Variants in AKAP6 observed in about 807,000 individuals in gnomAD.
AKAP6 encodes the protein A-kinase anchoring protein 6.
AKAP6 carries 58 observed loss-of-function variants against 188.5 expected under a neutral mutation model. The observed-to-expected ratio is 0.31, with a 90% confidence interval of 0.25 to 0.38. AKAP6 has a LOEUF of 0.38. AKAP6 is among the 10% of genes least tolerant of loss of function. The pLI is 1.00. For missense variants in AKAP6, 2,710 were observed against 2,740.0 expected (o/e 0.99, Z 0.24); for synonymous variants, 989 against 998.6 (o/e 0.99, Z 0.18).
intron 2 of AKAP6, among the ~76,000 whole-genome samples, chr14:32,477,862 T>G (rs1879150709): frequency 6.6e-6 from 1 of 152,200 alleles, no homozygotes; most frequent in East Asian, 1.9e-4. Context: ...CATTTTCTTC[T>G]TCTGTAAAAT....
At chr14:32,729,072 T>C (rs2031036376) in intron 9 of AKAP6, among the ~76,000 whole-genome samples, 1 of 152,242 alleles carries the variant, frequency 6.6e-6, no homozygotes, top group Admixed American at 6.5e-5. Context: ...TTCATGATGT[T>C]TTCTTTCTCT....
At chr14:32,710,323 C>T (rs1167138287) in intron 9 of AKAP6, among the ~76,000 whole-genome samples, 1 of 151,896 alleles carries the variant, frequency 6.6e-6, no homozygotes, top group Non-Finnish European at 1.5e-5. Flanking sequence ...GGAGCATACA[C>T]AATATGACAG....
chr14:32,530,266 A>G (rs1882348477), intron 2 of AKAP6, among the ~76,000 whole-genome samples: 1 of 152,066 alleles, frequency 6.6e-6, no homozygotes, highest in African/African-American at 2.4e-5. Flanking sequence ...AGTCCAAGCA[A>G]TTCTCCTGCC....
chr14:32,331,180 T>G (rs1403177016), intron 1 of AKAP6, among the ~76,000 whole-genome samples: 1 of 152,194 alleles, frequency 6.6e-6, no homozygotes, highest in Admixed American at 6.6e-5. Flanking sequence ...AAGACTTGTT[T>G]GGTAACATGA....
intron 4 of AKAP6, among the ~76,000 whole-genome samples, chr14:32,547,249 G>A (rs1356498545): frequency 3.9e-5 from 6 of 152,222 alleles, no homozygotes; most frequent in Non-Finnish European, 8.8e-5. Context: ...TGTTGAAATT[G>A]TTCAAATCTA....
In AKAP6 at chr14:32,821,730, A is replaced by G; in HGVS notation, c.3917A>G (p.Lys1306Arg). The change falls in exon 13 of 14, where the codon AAA becomes AGA. Residue 1306 changes from lysine (K) to arginine (R), a missense_variant. Around this residue, in one of 2 missense-constraint regions of AKAP6, gnomAD observed 2,473 missense variants for 2,426.1 expected, o/e 1.02. Transcript: ENST00000280979. Reference sequence around the variant, plus strand: ...GAGGACAACCACATGCCATTTCTGAAAAACAATCCAAAGGTCACTGGCATG... The same window carrying G: ...GAGGACAACCACATGCCATTTCTGAGAAACAATCCAAAGGTCACTGGCATG... ...LYEDNHMPFL[K>R]NNPKVTGMTQ... 4 of 1,613,868 alleles carry G rather than the reference A, an allele frequency of 2.5e-6. No homozygotes were observed. The highest frequency in any genetic ancestry group is 2.5e-6 in the Non-Finnish European group (3 of 1,179,926).
At chr14:32,751,870 A>G (rs1440954441) in intron 11 of AKAP6, among the ~76,000 whole-genome samples, 1 of 152,102 alleles carries the variant, frequency 6.6e-6, no homozygotes, top group African/African-American at 2.4e-5. Context: ...AAAAGTACCA[A>G]CTTATCTCAG....
At chr14:32,467,603 A>G (rs1224273076) in intron 2 of AKAP6, among the ~76,000 whole-genome samples, 1 of 152,028 alleles carries the variant, frequency 6.6e-6, no homozygotes, top group Non-Finnish European at 1.5e-5. Flanking sequence ...TCAGGAATCC[A>G]GTCTGGATCC....
chr14:32,518,085 T>G (rs1035994479), intron 2 of AKAP6, among the ~76,000 whole-genome samples: 1 of 152,104 alleles, frequency 6.6e-6, no homozygotes, highest in Non-Finnish European at 1.5e-5. Flanking sequence ...GGCAAACAGG[T>G]TCTGGAGTGG....
chr14:32,595,973 ATG>A (rs1265864751), intron 5 of AKAP6, among the ~76,000 whole-genome samples: 1 of 152,190 alleles, frequency 6.6e-6, no homozygotes, highest in East Asian at 1.9e-4. Flanking sequence ...ATATGAATTT[ATG>A]TCTTATAAAA....
At chr14:32,500,376 T>G (rs1472084795) in intron 2 of AKAP6, among the ~76,000 whole-genome samples, 1 of 152,182 alleles carries the variant, frequency 6.6e-6, no homozygotes, top group Non-Finnish European at 1.5e-5. Context: ...AATATTGCAT[T>G]ATGTCTGAAT....
At position 32,568,192 on chromosome 14, in the gene AKAP6, C is replaced by G. The variant is rs994759922; in HGVS notation, c.2347-8928C>G. ...TAGGAGTGAACAACAGAGAATGTGA[C>G]TGTCCTTTGTTTCCTCTCTATGGAC... On this transcript the variant is annotated intron_variant, in intron 4 of 13. Transcript: ENST00000280979. This position sits in a 1 kb window ranked among gnomAD's most constrained non-coding sequence, Gnocchi z 6.2. 5.9e-5 allele frequency among the ~76,000 whole-genome samples: 9 copies of G among 152,202 alleles called. No individual in the cohort carries two copies. The highest frequency in any genetic ancestry group is 1.3e-4 in the Non-Finnish European group (9 of 68,038).
intron 1 of AKAP6, among the ~76,000 whole-genome samples, chr14:32,427,002 A>G (rs980901519): frequency 2.6e-5 from 4 of 152,162 alleles, no homozygotes; most frequent in Non-Finnish European, 4.4e-5. Context: ...GCAGAATGTA[A>G]TCACCCATCT....
intron 5 of AKAP6, among the ~76,000 whole-genome samples, chr14:32,581,012 T>C (rs1258912520): frequency 1.3e-5 from 2 of 152,186 alleles, no homozygotes; most frequent in Non-Finnish European, 2.9e-5. Flanking sequence ...GCAATAAACA[T>C]ACGTGTGCAT....
At chr14:32,367,447 T>G (rs1887871463) in intron 1 of AKAP6, among the ~76,000 whole-genome samples, 2 of 152,248 alleles carry the variant, frequency 1.3e-5, no homozygotes, top group South Asian at 4.1e-4. Context: ...TATCAAATAT[T>G]ATTTATTTTG....
At chr14:32,695,208 C>T (rs1890353864) in intron 8 of AKAP6, among the ~76,000 whole-genome samples, 1 of 152,146 alleles carries the variant, frequency 6.6e-6, no homozygotes, top group African/African-American at 2.4e-5. Context: ...GACTTCCTGT[C>T]CTTACCTTTG....
intron 8 of AKAP6, among the ~76,000 whole-genome samples, chr14:32,683,150 T>G (rs1003842901): frequency 1.3e-5 from 2 of 151,948 alleles, no homozygotes; most frequent in Non-Finnish European, 2.9e-5. Flanking sequence ...CACACCACCA[T>G]GCCTGGCTAA....
At chr14:32,449,100 C>T (rs567944676) in intron 2 of AKAP6, among the ~76,000 whole-genome samples, 2 of 152,300 alleles carry the variant, frequency 1.3e-5, no homozygotes, top group African/African-American at 4.8e-5. Context: ...CTCCAGTCTG[C>T]TCTACAATGT....
intron 5 of AKAP6, among the ~76,000 whole-genome samples, chr14:32,594,473 T>G (rs1885609343): frequency 6.6e-6 from 1 of 152,196 alleles, no homozygotes. Context: ...TCTTAAATGC[T>G]TACTCATAGA....
Sources: gnomAD v4.1 joint callset for allele counts (sites outside exome capture counted in the v4.1 genomes callset) on GRCh38, gnomAD v4.1.1 for gene constraint, gnomAD v4.1.1 regional missense constraint, Gnocchi (gnomAD v3.1) non-coding constraint, MANE v1.5 for transcripts, NCBI Gene and HGNC (gene_info 2026-07-23, HGNC 2026-07-21) for gene names.